Variants in CTNNBIP1 observed in about 807,000 individuals in gnomAD.
CTNNBIP1 encodes the protein beta-catenin-interacting protein 1.
A neutral mutation model predicts 11.8 loss-of-function variants in CTNNBIP1; 7 were observed. The observed-to-expected ratio is 0.60, with a 90% CI of 0.34 to 1.12. The LOEUF is 1.12. Ranked by LOEUF, CTNNBIP1 falls within the 50% of genes most tolerant of loss-of-function variation. The probability of loss-of-function intolerance (pLI) is 0.03; values close to 1 mark genes in which losing one functional copy is unlikely to be tolerated. For synonymous variants in CTNNBIP1, 58 were observed against 43.9 expected, an observed-to-expected ratio of 1.32 and a Z score of -1.26; for missense variants, 101 against 113.4, an observed-to-expected ratio of 0.89 and a Z score of 0.50.
At chr1:9,892,727 G>A (rs542807016) in intron 1 of CTNNBIP1, among the ~76,000 whole-genome samples, 1 of 152,154 alleles carries the variant, frequency 6.6e-6, no homozygotes, top group Non-Finnish European at 1.5e-5. Context: ...GTGCTACAGA[G>A]GCCAGGGTTC....
chr1:9,876,152 T>C (rs1037957216), intron 3 of CTNNBIP1, among the ~76,000 whole-genome samples: 11 of 152,226 alleles, frequency 7.2e-5, no homozygotes, highest in Admixed American at 1.3e-4. Flanking sequence ...ACACTAATTA[T>C]TCATCCAGTC....
chr1:9,890,429 A>C (rs1391183223), intron 1 of CTNNBIP1, among the ~76,000 whole-genome samples: 2 of 151,952 alleles, frequency 1.3e-5, no homozygotes, highest in South Asian at 2.1e-4. Context: ...ATTTTAAAAG[A>C]GGTTCTTTTT....
chr1:9,871,073 TG>T lies in CTNNBIP1; in HGVS notation c.187+113del. 3.9e-6 allele frequency: 3 copies of T among 771,404 alleles called. No homozygotes were observed. Among genetic ancestry groups the T allele is most frequent in the Non-Finnish European group, 6.3e-6 (3 of 479,158 alleles). 47.8% of individuals were successfully genotyped at this position (771,404 alleles called of 1,614,324 possible). On this transcript the variant is annotated intron_variant, in intron 5 of 5. Coordinates refer to ENST00000377263, the MANE Select transcript of CTNNBIP1 (RefSeq NM_020248.3). The surrounding 1 kb of genome is among the most constrained non-coding windows in gnomAD (Gnocchi z 5.2). ...AGCTGTAGCCCCTCCTAGTCAGCCC[TG>T]GGTCTCATGGATCACCCATCAAAGA...
At chr1:9,908,646 G>A (rs770939347) in intron 1 of CTNNBIP1, among the ~76,000 whole-genome samples, 2 of 152,176 alleles carry the variant, frequency 1.3e-5, no homozygotes, top group Non-Finnish European at 2.9e-5. Context: ...ACAAGCGTGA[G>A]CCACCGCGCC....
At chr1:9,889,898 T>C (rs1459972907) in intron 1 of CTNNBIP1, among the ~76,000 whole-genome samples, 1 of 152,182 alleles carries the variant, frequency 6.6e-6, no homozygotes, top group Non-Finnish European at 1.5e-5. Flanking sequence ...GGCTCTGTGC[T>C]GAAGAATCTG....
Position 9,883,467 on chromosome 1 carries a change from C to T in CTNNBIP1, c.-110+238G>A, listed in dbSNP as rs1639123994. On this transcript the variant is annotated intron_variant, in intron 2 of 5. Transcript: ENST00000377263. The surrounding 1 kb of genome is among the most constrained non-coding windows in gnomAD (Gnocchi z 5.6). ...CCCATGTCTACTCAGGCCCCACAGG[C>T]TCCTGTCCCCATCACAGCCCTCACT... Among the ~76,000 whole-genome samples, 1 of 152,176 alleles carries T rather than the reference C, an allele frequency of 6.6e-6. No homozygotes were observed. The highest frequency in any genetic ancestry group is 1.9e-4 in the East Asian group (1 of 5,180).
At chr1:9,852,388 T>A (rs549715633) in intron 5 of CTNNBIP1, among the ~76,000 whole-genome samples, 1 of 152,230 alleles carries the variant, frequency 6.6e-6, no homozygotes, top group African/African-American at 2.4e-5. Context: ...CTTCATGGGG[T>A]TCTGGCTTTA....
intron 3 of CTNNBIP1, among the ~76,000 whole-genome samples, chr1:9,876,884 ACACAC>A (rs1187509671): frequency 1.4e-5 from 2 of 145,686 alleles, no homozygotes; most frequent in Non-Finnish European, 3.0e-5. Context: ...ACACACACAC[ACACAC>A]AGTTCAGAGC....
intron 2 of CTNNBIP1, among the ~76,000 whole-genome samples, chr1:9,881,446 T>G (rs1639080434): frequency 6.7e-6 from 1 of 149,932 alleles, no homozygotes; most frequent in Non-Finnish European, 1.5e-5. Context: ...TTCAAGCCAT[T>G]CTCTTCCCTC....
intron 1 of CTNNBIP1, among the ~76,000 whole-genome samples, chr1:9,884,685 TAG>T (rs1225613442): frequency 6.6e-6 from 1 of 152,028 alleles, no homozygotes; most frequent in Non-Finnish European, 1.5e-5. Context: ...ATGTACATCC[TAG>T]AGAGAGGGGA....
intron 3 of CTNNBIP1, among the ~76,000 whole-genome samples, chr1:9,877,014 A>G (rs1359559581): frequency 6.6e-6 from 1 of 152,202 alleles, no homozygotes; most frequent in Admixed American, 6.5e-5. Context: ...CACAGGCCAC[A>G]ACACGTTCTC....
intron 5 of CTNNBIP1, among the ~76,000 whole-genome samples, chr1:9,854,378 A>AC (rs1413481340): frequency 8.3e-4 from 126 of 151,874 alleles, no homozygotes; most frequent in Middle Eastern, 3.4e-3. Flanking sequence ...CAAAAAAAAA[A>AC]AAAAAAAACC....
chr1:9,869,279 C>T (rs1638809056), intron 5 of CTNNBIP1, among the ~76,000 whole-genome samples: 1 of 152,174 alleles, frequency 6.6e-6, no homozygotes, highest in Non-Finnish European at 1.5e-5. Flanking sequence ...GGATGACAGG[C>T]GTGAGCCACT....
chr1:9,881,403 G>A (rs899531296), intron 2 of CTNNBIP1, among the ~76,000 whole-genome samples: 33 of 131,764 alleles, frequency 2.5e-4, no homozygotes, highest in African/African-American at 9.6e-4. Context: ...GTAATGGCAC[G>A]ATCTCAGCTC....
chr1:9,852,540 G>C (rs905650001), intron 5 of CTNNBIP1, among the ~76,000 whole-genome samples: 2 of 152,198 alleles, frequency 1.3e-5, no homozygotes, highest in Admixed American at 6.5e-5. Flanking sequence ...GTTTTCGCCT[G>C]AGCCCTAGGA....
intron 2 of CTNNBIP1, among the ~76,000 whole-genome samples, chr1:9,879,154 G>A (rs1015059858): frequency 4.6e-5 from 7 of 151,690 alleles, no homozygotes; most frequent in Non-Finnish European, 7.4e-5. Flanking sequence ...CTGACATCGC[G>A]CCACTACACT....
At chr1:9,873,189 A>G (rs1197155508) in intron 3 of CTNNBIP1, among the ~76,000 whole-genome samples, 1 of 152,110 alleles carries the variant, frequency 6.6e-6, no homozygotes, top group Non-Finnish European at 1.5e-5. Context: ...TCATCCTAAA[A>G]GTGCACACAA....
chr1:9,866,699 G>A (rs535942735), intron 5 of CTNNBIP1, among the ~76,000 whole-genome samples: 13 of 150,468 alleles, frequency 8.6e-5, no homozygotes, highest in Non-Finnish European at 1.3e-4. Flanking sequence ...AAAAAAAGTC[G>A]AGTAGAGACC....
rs116816892 is a variant in CTNNBIP1, at chr1:9,872,184, C to T, written c.-24-96G>A. 1.9e-3 allele frequency: 1,444 copies of T among 745,016 alleles called. 13 individuals are homozygous for T. The African/African-American group carries it at 0.022, about 11-fold the overall frequency. The allele number at this position is 745,016 out of a possible 1,614,324, so 46.2% of individuals were successfully genotyped here. ...AGTGACCCTCACTCCTCCCAGGAGC[C>T]GCTTTCCACCCACAGTCTCCCTTCT... is the stretch of plus-strand genomic sequence containing the variant. On this transcript the variant is annotated intron_variant, in intron 3 of 5. Coordinates refer to ENST00000377263, the MANE Select transcript of CTNNBIP1 (RefSeq NM_020248.3). The surrounding 1 kb of genome is among the most constrained non-coding windows in gnomAD (Gnocchi z 4.0).
Sources: gnomAD v4.1 joint callset for allele counts (sites outside exome capture counted in the v4.1 genomes callset) on GRCh38, gnomAD v4.1.1 for gene constraint, Gnocchi (gnomAD v3.1) non-coding constraint, MANE v1.5 for transcripts, NCBI Gene and HGNC (gene_info 2026-07-23, HGNC 2026-07-21) for gene names.